TRPS1: variants seen among roughly 807,000 people sequenced by gnomAD.
The protein encoded by TRPS1 is transcriptional repressor GATA binding 1, also known as zinc finger transcription factor Trps1.
In TRPS1, 6 loss-of-function variants were observed where a neutral mutation model predicts 101.2. The observed-to-expected ratio is 0.06, with a 90% confidence interval of 0.03 to 0.12. The LOEUF is 0.12. Among genes scored for constraint, TRPS1 ranks in the 10% least tolerant of loss-of-function variants. The pLI is 1.00. For missense variants in TRPS1, 1,363 were observed against 1,567.0 expected, an observed-to-expected ratio of 0.87 and a Z score of 2.20; for synonymous variants, 578 against 589.8, an observed-to-expected ratio of 0.98 and a Z score of 0.29.
At chr8:115,627,896 T>C (rs746001733) in intron 1 of TRPS1, among the ~76,000 whole-genome samples, 61 of 151,774 alleles carry the variant, frequency 4.0e-4, no homozygotes, top group Non-Finnish European at 6.8e-4. Flanking sequence ...ATGCTTACCA[T>C]AAAGATAACA....
At chr8:115,525,297 T>C (rs1309817324) in intron 5 of TRPS1, among the ~76,000 whole-genome samples, 1 of 152,070 alleles carries the variant, frequency 6.6e-6, no homozygotes, top group African/African-American at 2.4e-5. Flanking sequence ...AAATTGAATT[T>C]GAATGAAATT....
intron 1 of TRPS1, among the ~76,000 whole-genome samples, chr8:115,651,975 G>T (rs533708143): frequency 6.6e-6 from 1 of 152,170 alleles, no homozygotes; most frequent in South Asian, 2.1e-4. Flanking sequence ...GAGGCTGAAG[G>T]CCACTGATAT....
intron 5 of TRPS1, among the ~76,000 whole-genome samples, chr8:115,428,747 A>G (rs1235040326): frequency 6.6e-6 from 1 of 152,216 alleles, no homozygotes; most frequent in Non-Finnish European, 1.5e-5. Flanking sequence ...GGAGACTAAA[A>G]AAAAATGAAC....
At chr8:115,422,005 T>C (rs1339382038) in intron 5 of TRPS1, among the ~76,000 whole-genome samples, 1 of 152,330 alleles carries the variant, frequency 6.6e-6, no homozygotes, top group South Asian at 2.1e-4. Flanking sequence ...AACGATCTTA[T>C]TTCATTCATA....
At chr8:115,581,324 G>A (rs1172578657) in intron 5 of TRPS1, among the ~76,000 whole-genome samples, 2 of 152,070 alleles carry the variant, frequency 1.3e-5, no homozygotes, top group Non-Finnish European at 1.5e-5. Flanking sequence ...GACGGGAGGA[G>A]TAAGTTTCAG....
At position 115,663,672 on chromosome 8, in the gene TRPS1, GA is replaced by G. The variant is rs1480844343; in HGVS notation, c.-122+4872del. 1.0e-4 allele frequency among the ~76,000 whole-genome samples: 12 copies of G among 115,834 alleles called. 1 individual carries two copies. The highest frequency in any genetic ancestry group is 5.9e-4 in the African/African-American group (12 of 20,250). 76.0% of individuals were successfully genotyped at this position (115,834 alleles called of 152,430 possible). A position where few individuals can be genotyped will look rare whatever the true frequency, so the allele number is the denominator to read the frequency against. On this transcript the variant is annotated intron_variant, in intron 1 of 6. Transcript: ENST00000395715. ...TGATGCTCCAAATTTGAAGTACATAGATAATTTCACCTTCATTTTTGCTATT... is the reference window on the plus strand; with the variant it reads ...TGATGCTCCAAATTTGAAGTACATAGTAATTTCACCTTCATTTTTGCTATT...
At position 115,619,480 on chromosome 8, in the gene TRPS1, C is replaced by T; in HGVS notation, c.618G>A (p.Gly206=). 6.2e-7 allele frequency: 1 copy of T among 1,614,196 alleles called. No homozygotes were observed. Among genetic ancestry groups the T allele is most frequent in the East Asian group, 2.2e-5 (1 of 44,878 alleles). The part of the protein sequence containing the change: ...ASKNPQVPSD[G]GVRLNKSKTD... Reference sequence around the variant, plus strand: ...TTTTGGATTTATTCAGTCTTACACCCCCATCTGAAGGCACTTGTGGGTTTT... The same window carrying T: ...TTTTGGATTTATTCAGTCTTACACCTCCATCTGAAGGCACTTGTGGGTTTT... Residue 206 remains glycine, a synonymous_variant, in exon 3 of 7, where the codon GGG becomes GGA. Coordinates refer to ENST00000395715, the MANE Select transcript of TRPS1 (RefSeq NM_014112.5).
intron 5 of TRPS1, among the ~76,000 whole-genome samples, chr8:115,509,277 C>G (rs933654753): frequency 6.6e-6 from 1 of 152,020 alleles, no homozygotes; most frequent in South Asian, 2.1e-4. Flanking sequence ...GGGAATCACA[C>G]TAGGCTTCTA....
At chr8:115,552,091 G>T (rs1458250764) in intron 5 of TRPS1, among the ~76,000 whole-genome samples, 2 of 152,132 alleles carry the variant, frequency 1.3e-5, no homozygotes, top group East Asian at 3.9e-4. Context: ...CAATTACTCA[G>T]GTTGTACTGC....
At chr8:115,569,742 TAA>T in intron 5 of TRPS1, among the ~76,000 whole-genome samples, 1 of 152,220 alleles carries the variant, frequency 6.6e-6, no homozygotes, top group African/African-American at 2.4e-5. Flanking sequence ...TCTAATATTC[TAA>T]AATATCTCCC....
At chr8:115,597,672 A>AGTGTG (rs1455155947) in intron 4 of TRPS1, among the ~76,000 whole-genome samples, 4 of 151,804 alleles carry the variant, frequency 2.6e-5, no homozygotes, top group Non-Finnish European at 4.4e-5. Flanking sequence ...TATCATTGTG[A>AGTGTG]GTGTGGTGTG....
intron 2 of TRPS1, among the ~76,000 whole-genome samples, chr8:115,622,066 T>C (rs755826366): frequency 2.0e-5 from 3 of 152,100 alleles, no homozygotes; most frequent in Non-Finnish European, 4.4e-5. Context: ...AAGTTTCAAG[T>C]GAAAGTGTTG....
intron 1 of TRPS1, among the ~76,000 whole-genome samples, chr8:115,652,958 G>C (rs1354161824): frequency 6.6e-6 from 1 of 152,164 alleles, no homozygotes; most frequent in Non-Finnish European, 1.5e-5. Context: ...AATCCCTTAA[G>C]AGGTGGAAAT....
At chr8:115,464,809 G>A (rs1228628182) in intron 5 of TRPS1, among the ~76,000 whole-genome samples, 1 of 151,938 alleles carries the variant, frequency 6.6e-6, no homozygotes, top group Non-Finnish European at 1.5e-5. Context: ...TTACTGTCAG[G>A]AACACTTTTA....
chr8:115,533,875 A>C (rs540196349), intron 5 of TRPS1, among the ~76,000 whole-genome samples: 3 of 152,226 alleles, frequency 2.0e-5, no homozygotes, highest in African/African-American at 7.2e-5. Context: ...TCAGAGATAG[A>C]GCAAGCCCTC....
chr8:115,624,080 CT>C (rs2130544569), intron 1 of TRPS1, among the ~76,000 whole-genome samples: 1 of 152,068 alleles, frequency 6.6e-6, no homozygotes, highest in South Asian at 2.1e-4. Context: ...GATAAAAGAT[CT>C]TAATTTGTAA....
Position 115,551,787 on chromosome 8 carries a change from CG to C in TRPS1, c.2700+35213del, listed in dbSNP as rs369304450. On this transcript the variant is annotated intron_variant, in intron 5 of 6. Coordinates refer to ENST00000395715, the MANE Select transcript of TRPS1 (RefSeq NM_014112.5). ...ATTGGAATAAAATTATGTTCAAAGG[CG>C]GAAGTAAAATGCATTTTATAATCTA... 6.6e-4 allele frequency among the ~76,000 whole-genome samples: 101 copies of C among 152,126 alleles called. 1 individual carries two copies. The highest frequency in any genetic ancestry group is 3.4e-3 in the Middle Eastern group (1 of 294).
chr8:115,632,520 A>T (rs1385260585), intron 1 of TRPS1, among the ~76,000 whole-genome samples: 1 of 152,086 alleles, frequency 6.6e-6, no homozygotes, highest in African/African-American at 2.4e-5. Flanking sequence ...CAATTCTCAC[A>T]GTATTACTTC....
intron 5 of TRPS1, among the ~76,000 whole-genome samples, chr8:115,453,625 AGC>A (rs1235010332): frequency 2.6e-5 from 4 of 152,110 alleles, no homozygotes; most frequent in Non-Finnish European, 4.4e-5. Context: ...ATCCTGGGAA[AGC>A]CACTTAAATC....
Sources: gnomAD v4.1 joint callset for allele counts (sites outside exome capture counted in the v4.1 genomes callset) on GRCh38, gnomAD v4.1.1 for gene constraint, MANE v1.5 for transcripts, NCBI Gene and HGNC (gene_info 2026-07-23, HGNC 2026-07-21) for gene names.